The following RFX6 variants were observed in gnomAD, a reference collection of about 807,000 sequenced individuals.
RFX6 encodes the protein regulatory factor X6.
A neutral mutation model predicts 110.8 loss-of-function variants in RFX6; 50 were observed. That is an observed-to-expected ratio of 0.45 (90% CI 0.36 to 0.57). The LOEUF (loss-of-function observed/expected upper bound fraction) is 0.57, where lower values mean the gene tolerates loss of function less well. RFX6 is among the 20% of genes least tolerant of loss of function. The pLI is 0.00. For synonymous variants in RFX6, 383 were observed against 411.2 expected, an observed-to-expected ratio of 0.93 and a Z score of 0.83; for missense variants, 990 against 1,127.0, an observed-to-expected ratio of 0.88 and a Z score of 1.74.
rs771537572 is a variant in RFX6 at position 116,927,327 on chromosome 6, C to T, written c.2186C>T (p.Ala729Val). The T allele has an allele frequency of 7.4e-6, 12 of 1,614,058 alleles. No homozygotes were observed. In the Admixed American group the frequency reaches 1.8e-4, roughly 25 times the overall value. ...CACACCGAGCATGGTCGATGCATGG[C>T]TTGGACTGAACAGCAGCTTTCAAGA... is the stretch of plus-strand genomic sequence containing the variant. ...PHHTEHGRCM[A>V]WTEQQLSRDF... Residue 729 changes from alanine (A) to valine (V), a missense_variant, in exon 17 of 19, where the codon GCT becomes GTT. By Grantham distance (64) the Ala-to-Val change is moderately conservative (BLOSUM62 0). This residue lies in a region of RFX6 where 438 missense variants were observed against 441.9 expected (regional missense o/e 0.99). Transcript: ENST00000332958.
At position 116,931,609 on chromosome 6, in the gene RFX6, G is replaced by A. The variant is rs1361088516; in HGVS notation, c.*103G>A. 7.0e-6 allele frequency: 6 copies of A among 859,234 alleles called. No individual in the cohort carries two copies. The highest frequency in any genetic ancestry group is 1.7e-5 in the African/African-American group (1 of 59,006). The allele number at this position is 859,234 out of a possible 1,614,324, so 53.2% of individuals were successfully genotyped here. On this transcript the variant is annotated 3_prime_UTR_variant, in exon 19 of 19. Coordinates refer to ENST00000332958, the MANE Select transcript of RFX6 (RefSeq NM_173560.4). The stretch of plus-strand genomic sequence containing the variant: ...CATAAGAGTAAATAAAAATGAATAT[G>A]CAGTGGCTGACATTGTTTTAAAGTC...
At chr6:116,928,038 A>C (rs594785) in intron 17 of RFX6, among the ~76,000 whole-genome samples, 36,298 of 150,430 alleles carry the variant, frequency 0.24, 4,777 homozygotes, top group South Asian at 0.42. Flanking sequence ...GTGTGAGCCA[A>C]CACCCCCGGC....
In RFX6 at chr6:116,892,746, G is replaced by A. The variant is rs144514198; in HGVS notation, c.567-1241G>A. ...GGTAACTTGTCAATGTAAGAGGACAGGAATATTTTTGTTAGCTGTTCATTA... is the reference window on the plus strand; with the variant it reads ...GGTAACTTGTCAATGTAAGAGGACAAGAATATTTTTGTTAGCTGTTCATTA... On this transcript the variant is annotated intron_variant, in intron 4 of 18. Transcript: ENST00000332958. Among the ~76,000 whole-genome samples the A allele has an allele frequency of 1.3e-4, 20 of 152,322 alleles. No individual in the cohort carries two copies. The East Asian group carries it at 3.9e-3, about 29-fold the overall frequency.
chr6:116,904,180 G>A (rs945080), intron 6 of RFX6, among the ~76,000 whole-genome samples: 123,350 of 151,952 alleles, frequency 0.81, 50,281 homozygotes, highest in East Asian at 0.89. Flanking sequence ...TTTATTGGTC[G>A]ATTCTTTTCT....
At chr6:116,897,906 C>T (rs1774984067) in intron 6 of RFX6, among the ~76,000 whole-genome samples, 1 of 151,878 alleles carries the variant, frequency 6.6e-6, no homozygotes, top group Admixed American at 6.6e-5. Context: ...AGGAGGACTT[C>T]AAGATTTAGT....
chr6:116,916,158 G>A, intron 8 of RFX6, 43 bp from the exon 9 acceptor site: 3 of 1,569,818 alleles, frequency 1.9e-6, no homozygotes, highest in Non-Finnish European at 2.6e-6. Context: ...ATGAGTTCAT[G>A]TTAAAGAAAA....
intron 6 of RFX6, among the ~76,000 whole-genome samples, chr6:116,904,113 G>GT (rs1775142610): frequency 6.6e-6 from 1 of 151,842 alleles, no homozygotes; most frequent in Admixed American, 6.6e-5. Context: ...TCATGTCTGT[G>GT]TTTTTTATTT....
At chr6:116,919,324 T>C (rs1562145590) in intron 11 of RFX6, 28 bp downstream of exon 11, 1 of 1,596,480 alleles carries the variant, frequency 6.3e-7, no homozygotes, top group Non-Finnish European at 8.6e-7. Flanking sequence ...TCGAGAGCAT[T>C]TGAGTCACCA....
At chr6:116,908,791 G>A (rs1193965043) in intron 6 of RFX6, among the ~76,000 whole-genome samples, 2 of 151,788 alleles carry the variant, frequency 1.3e-5, no homozygotes, top group African/African-American at 2.4e-5. Flanking sequence ...CAGTTGAGAT[G>A]ATTATATAAT....
chr6:116,918,329 C>T (rs1775518392), intron 10 of RFX6, among the ~76,000 whole-genome samples: 1 of 151,946 alleles, frequency 6.6e-6, no homozygotes, highest in African/African-American at 2.4e-5. Flanking sequence ...GATTTAAGCA[C>T]TGTTGATCTT....
chr6:116,931,386 T>G lies in RFX6; in HGVS notation c.2667T>G (p.Thr889=), dbSNP rs1775881100. 6.2e-7 allele frequency: 1 copy of G among 1,613,420 alleles called. No homozygotes were observed. Among genetic ancestry groups the G allele is most frequent in the Non-Finnish European group, 8.5e-7 (1 of 1,179,362 alleles). The change falls in exon 19 of 19, where the codon ACT becomes ACG. Residue 889 remains threonine (T), a synonymous_variant. Transcript: ENST00000332958. ...CCTCATCCCAATGTATGTATGGAAC[T>G]TCCAACCAGTATCCAGCTCAAGAAA... ...PSSSSQCMYG[T]SNQYPAQETL...
intron 6 of RFX6, among the ~76,000 whole-genome samples, chr6:116,906,541 C>G (rs756620064): frequency 6.6e-6 from 1 of 151,968 alleles, no homozygotes; most frequent in African/African-American, 2.4e-5. Context: ...TCTTTCAGCT[C>G]TTTTATGTAG....
intron 6 of RFX6, among the ~76,000 whole-genome samples, chr6:116,898,408 C>A (rs1774996118): frequency 6.6e-6 from 1 of 152,092 alleles, no homozygotes; most frequent in Non-Finnish European, 1.5e-5. Flanking sequence ...TGACTCACTG[C>A]AGCCTCAACC....
At chr6:116,926,249 TTA>T (rs753898669) in intron 16 of RFX6, among the ~76,000 whole-genome samples, 18 of 152,200 alleles carry the variant, frequency 1.2e-4, no homozygotes, top group Non-Finnish European at 2.1e-4. Flanking sequence ...GATCAGGCCA[TTA>T]CACTCCAGCT....
At chr6:116,915,952 A>G in intron 7 of RFX6, 56 bp from the exon 8 acceptor site, 1 of 1,163,830 alleles carries the variant, frequency 8.6e-7, no homozygotes. Flanking sequence ...ACAAATTAAC[A>G]AGAAAAGGCA....
intron 3 of RFX6, among the ~76,000 whole-genome samples, chr6:116,882,020 G>A (rs1297146053): frequency 6.6e-6 from 1 of 152,008 alleles, no homozygotes; most frequent in Non-Finnish European, 1.5e-5. Context: ...TTAATTGTGG[G>A]TAAATCTCTG....
intron 1 of RFX6, 57 bp from the exon 2 acceptor site, chr6:116,877,739 C>A (rs1202285551): frequency 1.9e-6 from 3 of 1,556,842 alleles, no homozygotes; most frequent in South Asian, 1.1e-5. Context: ...CACTTAAAGG[C>A]GACTTAGTTG....
chr6:116,877,529 A>G, intron 1 of RFX6, 31 bp downstream of exon 1: 1 of 1,505,228 alleles, frequency 6.6e-7, no homozygotes, highest in Non-Finnish European at 9.0e-7. Context: ...GGAGCTGGGA[A>G]GGGGACGGGG....
chr6:116,908,434 C>T (rs1010090075), intron 6 of RFX6, among the ~76,000 whole-genome samples: 1 of 152,030 alleles, frequency 6.6e-6, no homozygotes, highest in African/African-American at 2.4e-5. Context: ...ACATCAGTAG[C>T]AAATAATGCT....
Sources: allele counts gnomAD v4.1 joint callset (sites outside exome capture counted in the v4.1 genomes callset), GRCh38; gene constraint gnomAD v4.1.1; regional missense constraint gnomAD v4.1.1; transcripts MANE v1.5; gene names NCBI Gene and HGNC (gene_info 2026-07-23, HGNC 2026-07-21).